The following NRG1 variants were observed in gnomAD, a reference collection of about 807,000 sequenced individuals.
NRG1 encodes the protein pro-neuregulin-1, membrane-bound isoform.
NRG1 carries 18 observed loss-of-function variants against 63.8 expected under a neutral mutation model. The observed-to-expected ratio is 0.28, with a 90% CI of 0.19 to 0.42. NRG1 has a LOEUF of 0.42. NRG1 is among the 10% of genes least tolerant of loss of function. The probability of loss-of-function intolerance (pLI) is 1.00; values close to 1 mark genes in which losing one functional copy is unlikely to be tolerated. For synonymous variants in NRG1, 302 were observed against 301.3 expected, an observed-to-expected ratio of 1.00 and a Z score of -0.02; for missense variants, 762 against 814.7, an observed-to-expected ratio of 0.94 and a Z score of 0.79.
intron 1 of NRG1, among the ~76,000 whole-genome samples, chr8:32,419,898 C>T (rs1563439537): frequency 6.6e-6 from 1 of 152,134 alleles, no homozygotes; most frequent in African/African-American, 2.4e-5. Context: ...GGTAATTGCT[C>T]ATTGTCCCTT....
intron 1 of NRG1, among the ~76,000 whole-genome samples, chr8:32,243,226 C>T (rs1906213): frequency 0.7 from 106,588 of 151,904 alleles, 37,947 homozygotes; most frequent in African/African-American, 0.79. Context: ...GAGTTCGAGA[C>T]GAGCCTGGCC....
At chr8:32,586,820 A>G (rs1254807401) in intron 1 of NRG1, among the ~76,000 whole-genome samples, 1 of 152,186 alleles carries the variant, frequency 6.6e-6, no homozygotes, top group Non-Finnish European at 1.5e-5. Flanking sequence ...AATTTTGCGG[A>G]TATGTAGTGA....
chr8:31,915,361 A>T (rs1431661847), intron 1 of NRG1, among the ~76,000 whole-genome samples: 2 of 152,128 alleles, frequency 1.3e-5, no homozygotes, highest in Non-Finnish European at 2.9e-5. Flanking sequence ...TACTGTTTTC[A>T]TCCTCATGTC....
At chr8:31,726,248 G>T (rs797000115) in intron 1 of NRG1, among the ~76,000 whole-genome samples, 2 of 152,056 alleles carry the variant, frequency 1.3e-5, no homozygotes, top group Admixed American at 1.3e-4. Context: ...AACAAATAAA[G>T]TTTTAAATAC....
At chr8:32,224,406 C>G (rs1009555414) in intron 1 of NRG1, among the ~76,000 whole-genome samples, 17 of 152,154 alleles carry the variant, frequency 1.1e-4, no homozygotes, top group African/African-American at 3.6e-4. Flanking sequence ...CACTGACTAC[C>G]TGTCTGAAGA....
intron 1 of NRG1, among the ~76,000 whole-genome samples, chr8:32,276,793 A>C (rs1346389597): frequency 1.3e-5 from 2 of 152,206 alleles, no homozygotes; most frequent in African/African-American, 4.8e-5. Flanking sequence ...GCTCTGTGAA[A>C]ATAGGGCAAG....
intron 1 of NRG1, among the ~76,000 whole-genome samples, chr8:31,830,132 A>G (rs1451168234): frequency 2.0e-5 from 3 of 152,188 alleles, no homozygotes; most frequent in African/African-American, 4.8e-5. Flanking sequence ...TATCATATCA[A>G]TTGTTTCAAG....
At position 32,640,049 on chromosome 8, in the gene NRG1, T is replaced by C. The variant is rs117023030; in HGVS notation, c.502+23164T>C. On this transcript the variant is annotated intron_variant, in intron 5 of 11. Transcript: ENST00000356819. ...GAATGAAAAACAAACAACAGAAAAT[T>C]TCTCTGAGCTGTGCTGCTCTATGCC... Among the ~76,000 whole-genome samples the C allele has an allele frequency of 7.7e-3, 1,174 of 152,290 alleles. 6 individuals are homozygous for C. The highest frequency in any genetic ancestry group is 0.024 in the Middle Eastern group (7 of 294).
chr8:32,174,905 A>G (rs1320474717), intron 1 of NRG1, among the ~76,000 whole-genome samples: 1 of 152,228 alleles, frequency 6.6e-6, no homozygotes, highest in Admixed American at 6.5e-5. Flanking sequence ...CCGAGGTACA[A>G]GGAGGAGCTG....
intron 1 of NRG1, among the ~76,000 whole-genome samples, chr8:32,027,170 G>C (rs1817510128): frequency 6.6e-6 from 1 of 152,014 alleles, no homozygotes; most frequent in Non-Finnish European, 1.5e-5. Context: ...GAGTAGGTTG[G>C]TTCATGAGTT....
At chr8:31,811,773 G>A (rs1422468541) in intron 1 of NRG1, among the ~76,000 whole-genome samples, 1 of 152,272 alleles carries the variant, frequency 6.6e-6, no homozygotes, top group African/African-American at 2.4e-5. Context: ...TTTATTAAGA[G>A]ATTGTAATTT....
intron 1 of NRG1, among the ~76,000 whole-genome samples, chr8:32,046,455 C>T (rs1450310123): frequency 1.3e-5 from 2 of 151,908 alleles, no homozygotes; most frequent in African/African-American, 4.8e-5. Flanking sequence ...AGTATTTATG[C>T]TAGCAAACTT....
rs142263899 is a variant in NRG1 at position 32,306,548 on chromosome 8, T to C, written c.38-289280T>C. Among the ~76,000 whole-genome samples, 744 of 152,292 alleles carry C rather than the reference T, an allele frequency of 4.9e-3. 7 individuals carry two copies. The highest frequency in any genetic ancestry group is 0.017 in the African/African-American group (721 of 41,564). The stretch of plus-strand genomic sequence containing the variant: ...TTTGTTGAGTCTGGACACTAGAGAA[T>C]TGGACAAATGACACTGTGGTTTATT... On this transcript the variant is annotated intron_variant, in intron 1 of 10. Coordinates refer to the NRG1 transcript ENST00000519301.
At chr8:31,790,386 G>A (rs529619385) in intron 1 of NRG1, among the ~76,000 whole-genome samples, 30 of 152,214 alleles carry the variant, frequency 2.0e-4, no homozygotes, top group African/African-American at 6.0e-4. Flanking sequence ...TGGGCTCACC[G>A]TTTGGCAATC....
intron 1 of NRG1, among the ~76,000 whole-genome samples, chr8:32,293,357 T>C (rs147239089): frequency 4.6e-5 from 7 of 152,236 alleles, no homozygotes; most frequent in African/African-American, 1.2e-4. Flanking sequence ...GAAGGGGTTA[T>C]AGCTAAAAGG....
Position 32,040,398 on chromosome 8 carries a change from T to C in NRG1, c.37+400967T>C, listed in dbSNP as rs191249747. 1.6e-3 allele frequency among the ~76,000 whole-genome samples: 248 copies of C among 152,266 alleles called. 2 individuals carry two copies. Among genetic ancestry groups the C allele is most frequent in the Middle Eastern group, 6.8e-3 (2 of 294 alleles). On this transcript the variant is annotated intron_variant, in intron 1 of 10. Transcript: ENST00000519301. ...CATTATTGTGTTTTAAAAAGTCAAA[T>C]GTTGCCAACTCATGACTTAGTTAAG...
At chr8:32,443,839 G>A (rs896839399) in intron 1 of NRG1, among the ~76,000 whole-genome samples, 1 of 151,702 alleles carries the variant, frequency 6.6e-6, no homozygotes, top group Non-Finnish European at 1.5e-5. Context: ...CTTAAAGAGA[G>A]AAAAAAAATG....
intron 1 of NRG1, among the ~76,000 whole-genome samples, chr8:31,921,695 C>A (rs1356739890): frequency 6.6e-6 from 1 of 152,116 alleles, no homozygotes; most frequent in Non-Finnish European, 1.5e-5. Context: ...GTTCATTTTG[C>A]ATGCTGTGGA....
intron 1 of NRG1, among the ~76,000 whole-genome samples, chr8:31,884,110 A>T (rs1179909198): frequency 6.6e-6 from 1 of 152,148 alleles, no homozygotes; most frequent in Non-Finnish European, 1.5e-5. Flanking sequence ...GAATTTTTAC[A>T]TTCAAAAAGT....
Sources: gnomAD v4.1 joint callset for allele counts (sites outside exome capture counted in the v4.1 genomes callset) on GRCh38, gnomAD v4.1.1 for gene constraint, MANE v1.5 for transcripts, NCBI Gene and HGNC (gene_info 2026-07-23, HGNC 2026-07-21) for gene names.